The following ADK variants were observed in gnomAD, a reference collection of about 807,000 sequenced individuals.
ADK encodes the protein N6,N6-dimethyladenosine kinase.
A neutral mutation model predicts 44.7 loss-of-function variants in ADK; 24 were observed. That is an observed-to-expected ratio of 0.54 (90% CI 0.39 to 0.76). The LOEUF (loss-of-function observed/expected upper bound fraction) is 0.76, where lower values mean the gene tolerates loss of function less well. Among genes scored for constraint, ADK ranks in the 30% least tolerant of loss-of-function variants. The pLI is 0.00. For missense variants in ADK, 321 were observed against 425.1 expected (o/e 0.76, Z 2.15); for synonymous variants, 128 against 142.6 (o/e 0.90, Z 0.73).
At chr10:74,185,822 G>T (rs1440133939) in intron 1 of ADK, among the ~76,000 whole-genome samples, 1 of 126,614 alleles carries the variant, frequency 7.9e-6, no homozygotes, top group Admixed American at 8.6e-5. Flanking sequence ...GGGCGACAAA[G>T]CGAGACTCCG....
At chr10:74,185,950 G>A (rs1332166576) in intron 1 of ADK, among the ~76,000 whole-genome samples, 1 of 151,662 alleles carries the variant, frequency 6.6e-6, no homozygotes, top group Non-Finnish European at 1.5e-5. Context: ...TGGGGTCAAG[G>A]GATTCTTCTG....
chr10:74,535,010 G>C (rs1206413713), intron 7 of ADK, among the ~76,000 whole-genome samples: 1 of 152,114 alleles, frequency 6.6e-6, no homozygotes, highest in Admixed American at 6.6e-5. Flanking sequence ...AGTTAAGGTT[G>C]GTTCCAAAAC....
chr10:74,218,964 C>G (rs1188491646), intron 2 of ADK, among the ~76,000 whole-genome samples: 3 of 151,938 alleles, frequency 2.0e-5, no homozygotes, highest in African/African-American at 7.3e-5. Flanking sequence ...CATCAACTAA[C>G]GAGCAAAATA....
At position 74,498,500 on chromosome 10, in the gene ADK, C is replaced by A. The variant is rs375481181; in HGVS notation, c.556-26756C>A. Among the ~76,000 whole-genome samples the A allele has an allele frequency of 2.4e-4, 36 of 152,292 alleles. No individual in the cohort carries two copies. The East Asian group carries it at 4.0e-3, about 17-fold the overall frequency. On this transcript the variant is annotated intron_variant, in intron 6 of 10. Transcript: ENST00000539909. The stretch of plus-strand genomic sequence containing the variant: ...ATTATTTGAGAAACATATAATCTAT[C>A]CTTTTCTCTAATAACTCTACACTTT...
At chr10:74,156,347 T>G (rs7897778) in intron 1 of ADK, among the ~76,000 whole-genome samples, 24,496 of 152,138 alleles carry the variant, frequency 0.16, 2,193 homozygotes, top group African/African-American at 0.24. Flanking sequence ...GGCCACATGG[T>G]GTGGCTCATG....
intron 4 of ADK, among the ~76,000 whole-genome samples, chr10:74,356,692 C>T (rs1036187033): frequency 2.0e-4 from 31 of 152,072 alleles, no homozygotes; most frequent in African/African-American, 7.5e-4. Context: ...CTTTAGTCAC[C>T]CTTACACCTA....
chr10:74,686,068 T>A (rs1171376727), intron 10 of ADK, among the ~76,000 whole-genome samples: 1 of 152,118 alleles, frequency 6.6e-6, no homozygotes, highest in African/African-American at 2.4e-5. Flanking sequence ...TTCACGCTAT[T>A]CTCCTTCCTC....
rs36119808 is a variant in ADK at position 74,512,402 on chromosome 10, C to CTTTT, written c.556-12840_556-12837dup. Among the ~76,000 whole-genome samples, 349 of 128,504 alleles carry CTTTT rather than the reference C, an allele frequency of 2.7e-3. 1 individual carries two copies. The highest frequency in any genetic ancestry group is 9.5e-3 in the African/African-American group (323 of 33,938). The allele number at this position is 128,504 out of a possible 152,430, so 84.3% of individuals were successfully genotyped here. On this transcript the variant is annotated intron_variant, in intron 6 of 10. Coordinates refer to ENST00000539909, the MANE Select transcript of ADK (RefSeq NM_006721.4). ...AACAGTGAAGCCATCCAGTTCTGGA[C>CTTTT]TTTTTTTTTTTTTTTTTGGTGTTGG...
chr10:74,156,452 C>T (rs1312883173), intron 1 of ADK, among the ~76,000 whole-genome samples: 1 of 152,106 alleles, frequency 6.6e-6, no homozygotes, highest in Non-Finnish European at 1.5e-5. Flanking sequence ...GACCCTAGCT[C>T]TACAAAAATA....
chr10:74,500,547 A>G (rs970046945), intron 6 of ADK, among the ~76,000 whole-genome samples: 1 of 152,222 alleles, frequency 6.6e-6, no homozygotes, highest in Admixed American at 6.5e-5. Context: ...GTGATTCAGA[A>G]ATTATACTTT....
intron 3 of ADK, among the ~76,000 whole-genome samples, chr10:74,225,833 G>T (rs2132248932): frequency 6.6e-6 from 1 of 152,212 alleles, no homozygotes; most frequent in Non-Finnish European, 1.5e-5. Flanking sequence ...GTGAGGGCCG[G>T]TGATTGTTAC....
At chr10:74,383,598 C>T (rs1263058216) in intron 4 of ADK, among the ~76,000 whole-genome samples, 1 of 152,046 alleles carries the variant, frequency 6.6e-6, no homozygotes, top group Non-Finnish European at 1.5e-5. Context: ...GTTAAGTACA[C>T]TAATTTATAT....
chr10:74,215,468 G>A (rs1017901691), intron 2 of ADK, among the ~76,000 whole-genome samples: 1 of 151,098 alleles, frequency 6.6e-6, no homozygotes, highest in African/African-American at 2.4e-5. Context: ...CTGCCACCAC[G>A]CCTGGCTAAT....
intron 6 of ADK, among the ~76,000 whole-genome samples, chr10:74,519,715 A>G (rs1423054554): frequency 2.0e-5 from 3 of 151,782 alleles, no homozygotes; most frequent in Non-Finnish European, 4.4e-5. Flanking sequence ...TTTATTTACT[A>G]TGTATTTCTC....
intron 3 of ADK, among the ~76,000 whole-genome samples, chr10:74,298,055 A>G (rs1012005910): frequency 6.6e-6 from 1 of 152,240 alleles, no homozygotes; most frequent in Non-Finnish European, 1.5e-5. Context: ...TTTAAAGCAC[A>G]GTGGACTGGG....
chr10:74,518,747 A>C (rs1848694727), intron 6 of ADK, among the ~76,000 whole-genome samples: 1 of 152,154 alleles, frequency 6.6e-6, no homozygotes, highest in Non-Finnish European at 1.5e-5. Context: ...AATTTTGAAA[A>C]ACAAAGAAAA....
At chr10:74,455,755 G>C (rs1012685643) in intron 6 of ADK, among the ~76,000 whole-genome samples, 1 of 151,886 alleles carries the variant, frequency 6.6e-6, no homozygotes, top group Non-Finnish European at 1.5e-5. Flanking sequence ...TGATCCTCCC[G>C]CCCTCGGCCT....
chr10:74,246,736 T>C (rs1845429600), intron 3 of ADK, among the ~76,000 whole-genome samples: 1 of 152,168 alleles, frequency 6.6e-6, no homozygotes, highest in South Asian at 2.1e-4. Context: ...TGACTCCATT[T>C]TGATTTTTAG....
At chr10:74,205,070 T>G (rs1452151615) in intron 2 of ADK, among the ~76,000 whole-genome samples, 36 of 107,646 alleles carry the variant, frequency 3.3e-4, no homozygotes, top group African/African-American at 1.3e-3. Context: ...AAAAAAAAAA[T>G]TAAACCAAGC....
Sources: gnomAD v4.1 joint callset for allele counts (sites outside exome capture counted in the v4.1 genomes callset) on GRCh38, gnomAD v4.1.1 for gene constraint, MANE v1.5 for transcripts, NCBI Gene and HGNC (gene_info 2026-07-23, HGNC 2026-07-21) for gene names.